FYB1: variants seen among roughly 807,000 people sequenced by gnomAD.
FYB1 encodes FYN binding protein 1, also known as FYN-binding protein 1.
A neutral mutation model predicts 94.1 loss-of-function variants in FYB1; 41 were observed. The observed-to-expected ratio is 0.44, with a 90% CI of 0.34 to 0.57. The LOEUF is 0.57. FYB1 is among the 20% of genes least tolerant of loss of function. The pLI is 0.02. For synonymous variants in FYB1, 367 were observed against 353.2 expected (o/e 1.04, Z -0.44); for missense variants, 1,050 against 976.8 (o/e 1.07, Z -1.00).
chr5:39,255,710 A>C (rs1399293762), intron 1 of FYB1, among the ~76,000 whole-genome samples: 1 of 152,196 alleles, frequency 6.6e-6, no homozygotes, highest in African/African-American at 2.4e-5. Context: ...TTTAAAGCCA[A>C]AGGGAAACTA....
intron 1 of FYB1, among the ~76,000 whole-genome samples, chr5:39,227,262 CAA>C (rs58565928): frequency 0.17 from 25,569 of 150,604 alleles, 5,733 homozygotes; most frequent in African/African-American, 0.5. Flanking sequence ...CTGGTTTGCA[CAA>C]AAAAAAAGTT....
intron 1 of FYB1, among the ~76,000 whole-genome samples, chr5:39,245,255 T>C (rs73091216): frequency 1.6e-3 from 243 of 152,286 alleles, no homozygotes; most frequent in African/African-American, 5.6e-3. Flanking sequence ...AAATGAGATA[T>C]AGGGTCAAAA....
At chr5:39,243,177 G>A (rs1201556838) in intron 1 of FYB1, among the ~76,000 whole-genome samples, 3 of 151,914 alleles carry the variant, frequency 2.0e-5, no homozygotes, top group African/African-American at 4.8e-5. Context: ...GGCTTTTGTT[G>A]CCATTGCTTT....
intron 1 of FYB1, among the ~76,000 whole-genome samples, chr5:39,237,568 C>A (rs1751024766): frequency 6.6e-6 from 1 of 151,914 alleles, no homozygotes; most frequent in Non-Finnish European, 1.5e-5. Flanking sequence ...ATAAAAATTT[C>A]TGATAATCAC....
chr5:39,115,384 C>T (rs899855885), intron 16 of FYB1, among the ~76,000 whole-genome samples: 5 of 152,060 alleles, frequency 3.3e-5, no homozygotes, highest in Admixed American at 6.6e-5. Context: ...CATGAGCTAC[C>T]GTGGCTGGCC....
intron 1 of FYB1, among the ~76,000 whole-genome samples, chr5:39,263,066 T>C (rs1212467112): frequency 1.3e-5 from 2 of 152,192 alleles, no homozygotes; most frequent in Non-Finnish European, 1.5e-5. Context: ...TGTGAGTATA[T>C]GAGCATTTGT....
At chr5:39,223,351 G>T (rs1579730690), upstream of FYB1, among the ~76,000 whole-genome samples, 1 of 152,014 alleles carries the variant, frequency 6.6e-6, no homozygotes, top group Non-Finnish European at 1.5e-5. Context: ...CCTTGAGATG[G>T]TGTTGACAGA....
At chr5:39,125,887 A>G (rs1009289640) in intron 12 of FYB1, 111 bp downstream of exon 12, 2 of 1,063,698 alleles carry the variant, frequency 1.9e-6, no homozygotes, top group Non-Finnish European at 2.7e-6. Context: ...TTGCATTAAG[A>G]TGATTTAAGT....
Position 39,202,320 on chromosome 5 carries a change from C to A in FYB1, c.641G>T (p.Ser214Ile), listed in dbSNP as rs1748415233. ...TGATGAAGACACATTCTTCATGGGG[C>A]TTTCGTCTTCATGGGAGTTCTCGGT... ...LSTENSHEDESPMKNVSSSKG... is the reference protein window; with the variant it reads ...LSTENSHEDEIPMKNVSSSKG... Residue 214 changes from serine (S) to isoleucine (I), a missense_variant, in exon 2 of 19, where the codon AGC becomes ATC. By Grantham distance (142) the Ser-to-Ile change is moderately radical (BLOSUM62 -2). Coordinates refer to ENST00000512982, the MANE Select transcript of FYB1 (RefSeq NM_001465.6). 1.2e-6 allele frequency: 2 copies of A among 1,613,698 alleles called. No individual in the cohort carries two copies. Among genetic ancestry groups the A allele is most frequent in the South Asian group, 2.2e-5 (2 of 91,050 alleles).
At chr5:39,137,741 G>T (rs1338444600) in intron 6 of FYB1, 21 bp from the exon 7 acceptor site, 1 of 1,549,626 alleles carries the variant, frequency 6.5e-7, no homozygotes, top group African/African-American at 1.4e-5. Flanking sequence ...AAATTGTTAG[G>T]TTGTTTTCAC....
At chr5:39,236,868 T>C (rs1046485708) in intron 1 of FYB1, among the ~76,000 whole-genome samples, 3 of 152,224 alleles carry the variant, frequency 2.0e-5, no homozygotes, top group Non-Finnish European at 1.5e-5. Flanking sequence ...TATTAGCTAA[T>C]GTAAGGTTGC....
At position 39,263,726 on chromosome 5, in the gene FYB1, T is replaced by C. The variant is rs75071227; in HGVS notation, c.-28+10677A>G. 8.5e-3 allele frequency among the ~76,000 whole-genome samples: 1,302 copies of C among 152,300 alleles called. 9 individuals carry two copies. Among genetic ancestry groups the C allele is most frequent in the South Asian group, 0.039 (189 of 4,820 alleles). On this transcript the variant is annotated intron_variant, in intron 1 of 1. Coordinates refer to the FYB1 transcript ENST00000510188. ...GGACCTGTTCCCCTCAGAAATTCTG[T>C]ACTTACTTTCTAACTTGGATGTAGT...
At chr5:39,261,617 C>T (rs575550913) in intron 1 of FYB1, among the ~76,000 whole-genome samples, 5 of 152,094 alleles carry the variant, frequency 3.3e-5, no homozygotes, top group East Asian at 1.9e-4. Context: ...TGTGGTGGTG[C>T]GTGCCTGTAA....
chr5:39,272,386 C>G (rs375327624), intron 1 of FYB1, among the ~76,000 whole-genome samples: 4 of 151,970 alleles, frequency 2.6e-5, no homozygotes, highest in African/African-American at 4.8e-5. Context: ...TTAATCAGCC[C>G]GGGCGCGGTG....
intron 1 of FYB1, among the ~76,000 whole-genome samples, chr5:39,214,390 G>A (rs1749678088): frequency 1.3e-5 from 2 of 152,226 alleles, no homozygotes; most frequent in South Asian, 4.1e-4. Context: ...CACTTCTGGT[G>A]TATACCCAAA....
upstream of FYB1, among the ~76,000 whole-genome samples, chr5:39,223,209 A>G (rs1750342943): frequency 6.6e-6 from 1 of 152,188 alleles, no homozygotes; most frequent in African/African-American, 2.4e-5. Context: ...CTTTGGCTAC[A>G]GGCAACCAAT....
intron 9 of FYB1, among the ~76,000 whole-genome samples, chr5:39,133,160 T>C (rs541561415): frequency 7.2e-5 from 11 of 152,340 alleles, no homozygotes; most frequent in African/African-American, 2.2e-4. Flanking sequence ...GCTTTATAAG[T>C]GTATTACTAA....
At chr5:39,121,830 C>CT (rs1315799516) in intron 14 of FYB1, among the ~76,000 whole-genome samples, 1 of 151,638 alleles carries the variant, frequency 6.6e-6, no homozygotes, top group African/African-American at 2.4e-5. Context: ...ATCTTTTTTT[C>CT]TTTTTTTCAT....
rs185041319 is a variant in FYB1, at chr5:39,191,160, A to G, written c.1135+10666T>C. Among the ~76,000 whole-genome samples the G allele has an allele frequency of 3.3e-5, 5 of 152,298 alleles. No individual in the cohort carries two copies. The East Asian group carries it at 9.6e-4, about 29-fold the overall frequency. ...CTGCTTTGCCATTTTTTGGGGACAG[A>G]TTTTTAATTGCCTGGTTGTAACTAA... On this transcript the variant is annotated intron_variant, in intron 2 of 18. Coordinates refer to ENST00000512982, the MANE Select transcript of FYB1 (RefSeq NM_001465.6).
Sources: allele counts gnomAD v4.1 joint callset (sites outside exome capture counted in the v4.1 genomes callset), GRCh38; gene constraint gnomAD v4.1.1; transcripts MANE v1.5; gene names NCBI Gene and HGNC (gene_info 2026-07-23, HGNC 2026-07-21).